The following OAS3 variants were observed in gnomAD, a reference collection of about 807,000 sequenced individuals.
The protein encoded by OAS3 is 2'-5'-oligoadenylate synthase 3.
Under a neutral mutation model 113.0 loss-of-function variants are expected in OAS3, and 107 were observed. The observed-to-expected ratio is 0.95, with a 90% confidence interval of 0.81 to 1.11. The LOEUF (loss-of-function observed/expected upper bound fraction) is 1.11. Among genes scored for constraint, OAS3 ranks in the 50% most tolerant of loss-of-function variants. The pLI is 0.00. For synonymous variants in OAS3, 552 were observed against 573.6 expected (o/e 0.96, Z 0.54); for missense variants, 1,258 against 1,389.1 (o/e 0.91, Z 1.50).
intron 7 of OAS3, among the ~76,000 whole-genome samples, chr12:112,957,022 T>A (rs948453095): frequency 6.6e-6 from 1 of 152,246 alleles, no homozygotes; most frequent in Non-Finnish European, 1.5e-5. Flanking sequence ...TGGGTGTTCC[T>A]GTATTGGGCG....
Position 112,944,523 on chromosome 12 carries a change from C to T in OAS3, c.508C>T (p.Leu170Phe). Residue 170 changes from leucine (L) to phenylalanine (F), a missense_variant, in exon 3 of 16, where the codon CTC becomes TTC. Physicochemically the swap from Leu to Phe is conservative, Grantham distance 22. Transcript: ENST00000228928. Reference sequence around the variant, plus strand: ...ACCCAAGCCACAAGTCTACTCTACCCTCCTCAACAGTGGCTGCCAAGGGGG... The same window carrying T: ...ACCCAAGCCACAAGTCTACTCTACCTTCCTCAACAGTGGCTGCCAAGGGGG... ...VKPKPQVYST[L>F]LNSGCQGGEH... 4 of 1,614,072 alleles carry T rather than the reference C, an allele frequency of 2.5e-6. No homozygotes were observed. In the South Asian group the frequency reaches 4.4e-5, roughly 18 times the overall value.
chr12:112,958,620 T>G (rs1330370840), intron 7 of OAS3, among the ~76,000 whole-genome samples: 1 of 152,272 alleles, frequency 6.6e-6, no homozygotes, highest in African/African-American at 2.4e-5. Flanking sequence ...CTCCAGACCC[T>G]GTTTGCCTGG....
intron 11 of OAS3, 132 bp from the exon 12 acceptor site, chr12:112,965,612 A>G: frequency 1.3e-6 from 1 of 771,810 alleles, no homozygotes; most frequent in Non-Finnish European, 2.0e-6. Context: ...CTTTCTTACC[A>G]TATTAAAGAT....
Position 112,962,652 on chromosome 12 carries a change from G to T in OAS3, c.1834G>T (p.Val612Phe), listed in dbSNP as rs757868716. 4 of 1,613,082 alleles carry T rather than the reference G, an allele frequency of 2.5e-6. No homozygotes were observed. Among genetic ancestry groups the T allele is most frequent in the Non-Finnish European group, 3.4e-6 (4 of 1,179,104 alleles). ...ILLVKHWYRQ[V>F]AAQNKGKGPA... ...CTTTGGTTGGCCTTGTGTGACACAG[G>T]TTGCGGCTCAGAACAAAGGAAAAGG... The change falls in exon 9 of 16, where the codon GTT becomes TTT. Residue 612 changes from valine to phenylalanine, a missense_variant and splice_region_variant. By Grantham distance (50) the Val-to-Phe change is conservative (BLOSUM62 -1). Coordinates refer to ENST00000228928, the MANE Select transcript of OAS3 (RefSeq NM_006187.4).
In OAS3 at chr12:112,970,837, T is replaced by G. The variant is rs1420089554; in HGVS notation, c.*864T>G. On this transcript the variant is annotated 3_prime_UTR_variant, in exon 16 of 16. Coordinates refer to ENST00000228928, the MANE Select transcript of OAS3 (RefSeq NM_006187.4). ...GCCTCCTTTTCTTCACCTTTTATGC[T>G]GCACTCCTCCCCTAGTTTACACATC... 1 of 152,222 alleles carries G rather than the reference T, an allele frequency of 6.6e-6. No homozygotes were observed. Among genetic ancestry groups the G allele is most frequent in the African/African-American group, 2.4e-5 (1 of 41,440 alleles). The allele number at this position is 152,222 out of a possible 1,614,324, so 9.4% of individuals were successfully genotyped here.
intron 1 of OAS3, among the ~76,000 whole-genome samples, chr12:112,941,065 A>G (rs1339504240): frequency 2.0e-5 from 3 of 152,152 alleles, no homozygotes; most frequent in Non-Finnish European, 1.5e-5. Context: ...GTGCATGCCT[A>G]TAGTCTCAGA....
At chr12:112,944,905 G>A (rs973208967) in intron 3 of OAS3, 8 of 513,704 alleles carry the variant, frequency 1.6e-5, no homozygotes, top group Middle Eastern at 1.1e-3. Flanking sequence ...TCCAGTCTGT[G>A]TCTTGGGCTT....
chr12:112,966,049 A>C lies in OAS3; in HGVS notation c.2689+20A>C. On this transcript the variant is annotated intron_variant, in intron 12 of 15. Coordinates refer to ENST00000228928, the MANE Select transcript of OAS3 (RefSeq NM_006187.4). The stretch of plus-strand genomic sequence containing the variant: ...CCCTAGGTGAGGTGCCCTGGCGTAG[A>C]CCTGAGAGGGGGAAATACAGAGGCA... 1 of 1,611,972 alleles carries C rather than the reference A, an allele frequency of 6.2e-7. No individual in the cohort carries two copies. The highest frequency in any genetic ancestry group is 8.5e-7 in the Non-Finnish European group (1 of 1,178,392).
chr12:112,941,802 A>G lies in OAS3; in HGVS notation c.410A>G (p.Asp137Gly), dbSNP rs1237943746. 1.2e-6 allele frequency: 2 copies of G among 1,613,868 alleles called. No individual in the cohort carries two copies. The highest frequency in any genetic ancestry group is 1.7e-6 in the Non-Finnish European group (2 of 1,179,888). ...GALQFRLTSV[D>G]LEDWMDVSLV... ...CTGCAGTTCCGCCTGACATCCGTAGATCTTGAGGACTGGATGGATGTTAGC... is the reference window on the plus strand; with the variant it reads ...CTGCAGTTCCGCCTGACATCCGTAGGTCTTGAGGACTGGATGGATGTTAGC... Residue 137 changes from aspartate to glycine, a missense_variant, in exon 2 of 16, where the codon GAT becomes GGT. By Grantham distance (94) the Asp-to-Gly change is moderately conservative. Transcript: ENST00000228928.
rs758321878 is a variant in OAS3 at position 112,946,825 on chromosome 12, G to T, written c.719G>T (p.Gly240Val). Residue 240 changes from glycine to valine, a missense_variant, in exon 4 of 16, where the codon GGC (glycine) becomes GTC (valine). Physicochemically the swap from Gly to Val is moderately radical, Grantham distance 109 (BLOSUM62 -3). Coordinates refer to ENST00000228928, the MANE Select transcript of OAS3 (RefSeq NM_006187.4). ...ELLTIFAWEQ[G>V]CKKDAFSLAE... ...CTGACCATCTTCGCCTGGGAGCAGG[G>T]CTGTAAGAAGGATGCTTTCAGCCTA... 6.2e-6 allele frequency: 10 copies of T among 1,613,754 alleles called. No individual in the cohort carries two copies. The highest frequency in any genetic ancestry group is 1.7e-5 in the Admixed American group (1 of 60,010).
rs1377850716 is a variant in OAS3 at position 112,942,002 on chromosome 12, T to C, written c.460+150T>C. 6.4e-6 allele frequency: 6 copies of C among 936,224 alleles called. No individual in the cohort carries two copies. In the East Asian group the frequency reaches 9.8e-5, roughly 15 times the overall value. The allele number at this position is 936,224 out of a possible 1,614,324, so 58.0% of individuals were successfully genotyped here. ...AGCCTCAGTCTGGGGACTAAACATA[T>C]TGGACTTGTGCCAGACAAAGGCAGA... On this transcript the variant is annotated intron_variant, in intron 2 of 15. Coordinates refer to ENST00000228928, the MANE Select transcript of OAS3 (RefSeq NM_006187.4).
At chr12:112,941,149 G>C (rs183284108) in intron 1 of OAS3, among the ~76,000 whole-genome samples, 18 of 151,498 alleles carry the variant, frequency 1.2e-4, no homozygotes, top group Middle Eastern at 3.5e-3. Context: ...AATCGTGTCT[G>C]TGAATAGCCA....
At chr12:112,956,397 CT>C (rs2043836602) in intron 7 of OAS3, among the ~76,000 whole-genome samples, 1 of 152,116 alleles carries the variant, frequency 6.6e-6, no homozygotes, top group Non-Finnish European at 1.5e-5. Context: ...TGTGTTTGCT[CT>C]TGCTTCTCTA....
chr12:112,942,102 C>T, intron 2 of OAS3: 1 of 601,814 alleles, frequency 1.7e-6, no homozygotes, highest in Non-Finnish European at 2.9e-6. Context: ...CTGGGAGTTT[C>T]CCTCAGCCAC....
At position 112,946,976 on chromosome 12, in the gene OAS3, A is replaced by G. The variant is rs571981659; in HGVS notation, c.870A>G (p.Arg290=). 24 of 1,613,368 alleles carry G rather than the reference A, an allele frequency of 1.5e-5. No individual in the cohort carries two copies. In the East Asian group the frequency reaches 5.1e-4, roughly 34 times the overall value. The change falls in exon 4 of 16, where the codon AGA becomes AGG. Residue 290 remains arginine, a synonymous_variant. Coordinates refer to ENST00000228928, the MANE Select transcript of OAS3 (RefSeq NM_006187.4). The stretch of plus-strand genomic sequence containing the variant: ...AGTTCTTGCAGCGGCAGCTTAAGAG[A>G]CCCAGGTACTTCCTAATAGCCCACC... ...VGQFLQRQLK[R]PRPVILDPAD...
chr12:112,947,273 A>G (rs61273480), intron 4 of OAS3, among the ~76,000 whole-genome samples: 10,537 of 152,218 alleles, frequency 0.069, 1,197 homozygotes, highest in African/African-American at 0.24. Context: ...GCATACTTTG[A>G]AACCACCACC....
Position 112,972,879 on chromosome 12 carries a change from G to GGT in OAS3, c.*2939_*2940dup, listed in dbSNP as rs35035664. On this transcript the variant is annotated 3_prime_UTR_variant, in exon 16 of 16. Transcript: ENST00000228928. ...AGAAATGCAGGACTGCAAAGAAATT[G>GGT]GTGTGTGTGTGTGTGTGTGTGTGTG... The GGT allele has an allele frequency of 0.02, 2,894 of 147,434 alleles. 41 individuals are homozygous for GGT. Among genetic ancestry groups the GGT allele is most frequent in the African/African-American group, 0.032 (1,269 of 40,036 alleles). 9.1% of individuals were successfully genotyped at this position (147,434 alleles called of 1,614,324 possible). A position where few individuals can be genotyped will look rare whatever the true frequency, so the allele number is the denominator to read the frequency against.
In OAS3 at chr12:112,964,263, G is replaced by T; in HGVS notation, c.2258G>T (p.Gly753Val). ...MPALLYQTPA[G>V]DLDKFISEFL... ...GCCCTCCTTTACCAAACCCCAGCTG[G>T]GGACCTTGACAAGTTCATCAGTGAA... is the stretch of plus-strand genomic sequence containing the variant. The change falls in exon 11 of 16, where the codon GGG (glycine) becomes GTG (valine). Residue 753 changes from glycine (G) to valine (V), a missense_variant. Transcript: ENST00000228928. 6.3e-7 allele frequency: 1 copy of T among 1,599,616 alleles called. No individual in the cohort carries two copies. Among genetic ancestry groups the T allele is most frequent in the East Asian group, 2.3e-5 (1 of 44,344 alleles).
Position 112,946,837 on chromosome 12 carries a change from A to G in OAS3, c.731A>G (p.Asp244Gly). The stretch of plus-strand genomic sequence containing the variant: ...GCCTGGGAGCAGGGCTGTAAGAAGG[A>G]TGCTTTCAGCCTAGCCGAAGGCCTC... The part of the protein sequence containing the change: ...IFAWEQGCKK[D>G]AFSLAEGLRT... Residue 244 changes from aspartate (D) to glycine (G), a missense_variant, in exon 4 of 16, where the codon GAT becomes GGT. By Grantham distance (94) the Asp-to-Gly change is moderately conservative (BLOSUM62 -1). Coordinates refer to ENST00000228928, the MANE Select transcript of OAS3 (RefSeq NM_006187.4). The G allele has an allele frequency of 1.9e-6, 3 of 1,613,892 alleles. No homozygotes were observed. The highest frequency in any genetic ancestry group is 1.1e-5 in the South Asian group (1 of 91,036).
Sources: gnomAD v4.1 joint callset for allele counts (sites outside exome capture counted in the v4.1 genomes callset) on GRCh38, gnomAD v4.1.1 for gene constraint, MANE v1.5 for transcripts, NCBI Gene and HGNC (gene_info 2026-07-23, HGNC 2026-07-21) for gene names.